The following ZSCAN30 variants were observed in gnomAD, a reference collection of about 807,000 sequenced individuals.
ZSCAN30 encodes zinc finger and SCAN domain-containing protein 30.
In ZSCAN30, 37 loss-of-function variants were observed where a neutral mutation model predicts 44.3. The ratio of observed to expected loss-of-function variants is 0.84; its 90% CI spans 0.64 to 1.10. The LOEUF (loss-of-function observed/expected upper bound fraction) is 1.10, where lower values mean the gene tolerates loss of function less well. ZSCAN30 is among the 50% of genes least tolerant of loss of function. ZSCAN30 has a pLI of 0.00. For synonymous variants in ZSCAN30, 181 were observed against 204.6 expected (o/e 0.88, Z 0.98); for missense variants, 549 against 582.6 (o/e 0.94, Z 0.59).
rs931950261 is a variant in ZSCAN30 at position 35,271,878 on chromosome 18, CTGCTGGCCCGGG to C, written c.-103-7435_-103-7424del. On this transcript the variant is annotated intron_variant, in intron 1 of 3. Coordinates refer to ENST00000333206, the MANE Select transcript of ZSCAN30 (RefSeq NM_001112734.4). ...GTGGGACCCCGCGCCCCCTCCGCAGCTGCTGGCCCGGGTGCTAAGCCCCTTACTGCCTGGGGC... is the reference window on the plus strand; with the variant it reads ...GTGGGACCCCGCGCCCCCTCCGCAGCTGCTAAGCCCCTTACTGCCTGGGGC... Among the ~76,000 whole-genome samples, 84 of 152,322 alleles carry C rather than the reference CTGCTGGCCCGGG, an allele frequency of 5.5e-4. 1 individual carries two copies. Among genetic ancestry groups the C allele is most frequent in the African/African-American group, 1.9e-3 (80 of 41,590 alleles).
At chr18:35,267,298 A>G (rs1302984885) in intron 1 of ZSCAN30, among the ~76,000 whole-genome samples, 1 of 151,998 alleles carries the variant, frequency 6.6e-6, no homozygotes, top group African/African-American at 2.4e-5. Context: ...GGGGTGGCTG[A>G]GTGGGCAAGT....
chr18:35,253,868 G>C lies in ZSCAN30; in HGVS notation c.1067C>G (p.Pro356Arg), dbSNP rs761585622. 2.5e-6 allele frequency: 4 copies of C among 1,614,064 alleles called. No individual in the cohort carries two copies. Among genetic ancestry groups the C allele is most frequent in the Non-Finnish European group, 3.4e-6 (4 of 1,180,018 alleles). ...TTTTCCACATTCACAACATTCATAG[G>C]GTTTTTCACCACTATGAATTCTCTG... ...RHQRIHSGEK[P>R]YECCECGKAF... is the part of the protein sequence containing the mutation. The change falls in exon 4 of 4, where the codon CCC (proline) becomes CGC (arginine). Residue 356 changes from proline (P) to arginine (R), a missense_variant. Physicochemically the swap from Pro to Arg is moderately radical, Grantham distance 103 (BLOSUM62 -2). Transcript: ENST00000333206.
chr18:35,277,447 C>T (rs1051549109), intron 1 of ZSCAN30, among the ~76,000 whole-genome samples: 11 of 152,150 alleles, frequency 7.2e-5, no homozygotes, highest in Admixed American at 7.2e-4. Flanking sequence ...GAGAGGGACC[C>T]AGTGGGAGGT....
At chr18:35,269,702 C>G (rs2044232358) in intron 1 of ZSCAN30, 2 of 152,146 alleles carry the variant, frequency 1.3e-5, no homozygotes, top group Admixed American at 1.3e-4. Context: ...AATTAATTTA[C>G]ATTTAAATTG....
intron 3 of ZSCAN30, chr18:35,259,543 TCTC>T (rs2043963770): frequency 6.5e-6 from 1 of 153,308 alleles, no homozygotes; most frequent in Non-Finnish European, 1.5e-5. Flanking sequence ...TGTGTCCTAA[TCTC>T]CTCTTCTTTT....
chr18:35,257,308 C>T (rs2043864176), intron 3 of ZSCAN30: 1 of 152,734 alleles, frequency 6.5e-6, no homozygotes, highest in Non-Finnish European at 1.5e-5. Context: ...TATGATGCCT[C>T]CTTCCCTCAG....
At chr18:35,268,043 G>C (rs2044199138) in intron 1 of ZSCAN30, 1 of 152,272 alleles carries the variant, frequency 6.6e-6, no homozygotes, top group African/African-American at 2.4e-5. Context: ...CCCTCGAGCT[G>C]CCCGTGGCCG....
intron 1 of ZSCAN30, among the ~76,000 whole-genome samples, chr18:35,287,897 G>A (rs1375663889): frequency 6.9e-6 from 1 of 144,356 alleles, no homozygotes; most frequent in Non-Finnish European, 1.5e-5. Flanking sequence ...TTTTGCAACA[G>A]GGTCCTGCTC....
chr18:35,284,223 C>G (rs2044512010), intron 1 of ZSCAN30: 1 of 152,544 alleles, frequency 6.6e-6, no homozygotes. Flanking sequence ...TTATGGGCCT[C>G]AGAGAGGAAG....
intron 1 of ZSCAN30, among the ~76,000 whole-genome samples, chr18:35,287,842 A>G (rs1191340095): frequency 3.3e-5 from 5 of 151,918 alleles, no homozygotes; most frequent in Non-Finnish European, 2.9e-5. Context: ...TGAAGGCACA[A>G]TATATTTGCA....
Sources: allele counts gnomAD v4.1 joint callset (sites outside exome capture counted in the v4.1 genomes callset), GRCh38; gene constraint gnomAD v4.1.1; transcripts MANE v1.5; gene names NCBI Gene and HGNC (gene_info 2026-07-23, HGNC 2026-07-21).